Variants in B3GALNT2 observed in about 807,000 individuals in gnomAD.
B3GALNT2 encodes the protein UDP-GalNAc:beta-1,3-N-acetylgalactosaminyltransferase 2.
B3GALNT2 carries 53 observed loss-of-function variants against 61.1 expected under a neutral mutation model. The ratio of observed to expected loss-of-function variants is 0.87; its 90% CI spans 0.70 to 1.09. B3GALNT2 has a LOEUF of 1.09. Ranked by LOEUF, B3GALNT2 falls within the 50% of genes least tolerant of loss-of-function variation. The probability of loss-of-function intolerance (pLI) is 0.00; values close to 1 mark genes in which losing one functional copy is unlikely to be tolerated. For synonymous variants in B3GALNT2, 223 were observed against 237.4 expected (o/e 0.94, Z 0.56); for missense variants, 544 against 623.0 (o/e 0.87, Z 1.35).
At chr1:235,441,216 T>A in the B3GALNT2 span, 142 of 153,902 alleles carry the variant, frequency 9.2e-4, 1 homozygote, top group Non-Finnish European at 1.6e-3. Context: ...TTTAGAGAAA[T>A]GTTGTCACTG....
rs568685593 is a variant in B3GALNT2 at position 235,464,138 on chromosome 1, G to A, written c.841+1498C>T. On this transcript the variant is annotated intron_variant, in intron 7 of 11. Transcript: ENST00000366600. ...CTAAAACTATAAAACTCTTGGAACT[G>A]TAAAACAAAGGCACAAATCTTTGTG... The A allele has an allele frequency of 5.3e-5, 8 of 152,276 alleles. No homozygotes were observed. In the East Asian group the frequency reaches 1.4e-3, roughly 26 times the overall value. The allele number at this position is 152,276 out of a possible 1,614,324, so 9.4% of individuals were successfully genotyped here. A position where few individuals can be genotyped will look rare whatever the true frequency, so the allele number is the denominator to read the frequency against.
At chr1:235,471,989 T>C (rs1684032219) in intron 5 of B3GALNT2, among the ~76,000 whole-genome samples, 1 of 151,906 alleles carries the variant, frequency 6.6e-6, no homozygotes, top group African/African-American at 2.4e-5. Context: ...AAAAAAAGAT[T>C]GGCTTAGTTG....
Position 235,455,543 on chromosome 1 carries a change from A to C in B3GALNT2, c.1151+16T>G. 1.2e-6 allele frequency: 2 copies of C among 1,610,892 alleles called. No individual in the cohort carries two copies. Among genetic ancestry groups the C allele is most frequent in the Non-Finnish European group, 8.5e-7 (1 of 1,177,084 alleles). On this transcript the variant is annotated intron_variant, in intron 9 of 11. Coordinates refer to ENST00000366600, the MANE Select transcript of B3GALNT2 (RefSeq NM_152490.5). ...CAGGTACACGAATGCCAATGGGCTA[A>C]GAATGGTTAACTTACTTTCCCCACC...
intron 6 of B3GALNT2, among the ~76,000 whole-genome samples, chr1:235,467,305 T>C (rs56853031): frequency 0.021 from 3,260 of 152,006 alleles, 132 homozygotes; most frequent in African/African-American, 0.074. Context: ...GCCAAGACTG[T>C]GCCACTGTAC....
At chr1:235,481,465 T>G (rs1329564205) in intron 4 of B3GALNT2, among the ~76,000 whole-genome samples, 1 of 152,140 alleles carries the variant, frequency 6.6e-6, no homozygotes, top group African/African-American at 2.4e-5. Flanking sequence ...CACCTCAACC[T>G]ACCAAGTAGC....
chr1:235,487,509 A>C (rs941588441), intron 3 of B3GALNT2, among the ~76,000 whole-genome samples: 16 of 152,228 alleles, frequency 1.1e-4, no homozygotes, highest in African/African-American at 3.9e-4. Flanking sequence ...AAACTGAGGC[A>C]GAGGAGGTCA....
Position 235,480,905 on chromosome 1 carries a change from C to CAAAAA in B3GALNT2, c.556-761_556-757dup, listed in dbSNP as rs55666590. ...TGGACCGCAGAGCCAGACTCTGTCT[C>CAAAAA]AAAAAAAAAAAAAAAAAAAAAAAAA... On this transcript the variant is annotated intron_variant, in intron 4 of 11. Transcript: ENST00000366600. Among the ~76,000 whole-genome samples the CAAAAA allele has an allele frequency of 3.0e-3, 92 of 31,172 alleles. 22 individuals carry two copies. Among genetic ancestry groups the CAAAAA allele is most frequent in the Middle Eastern group, 0.029 (1 of 34 alleles). 20.5% of individuals were successfully genotyped at this position (31,172 alleles called of 152,430 possible).
At chr1:235,500,415 G>A (rs1457156676) in intron 1 of B3GALNT2, among the ~76,000 whole-genome samples, 2 of 152,190 alleles carry the variant, frequency 1.3e-5, no homozygotes, top group Non-Finnish European at 2.9e-5. Context: ...CGGAGGCAGA[G>A]GTTGCAGTTA....
At chr1:235,455,267 C>A (rs1361741263) in intron 9 of B3GALNT2, among the ~76,000 whole-genome samples, 1 of 152,018 alleles carries the variant, frequency 6.6e-6, no homozygotes, top group African/African-American at 2.4e-5. Context: ...GGGCTACAGG[C>A]TCACATCACC....
chr1:235,448,615 T>A lies in B3GALNT2; in HGVS notation c.*1591A>T. On this transcript the variant is annotated 3_prime_UTR_variant, in exon 12 of 12. Transcript: ENST00000366600. ...GGGTGGGGGAAGAGTATGTGTAGCA[T>A]GCTTTATCGGATCTGTCTTAATCAC... 3 of 1,492,982 alleles carry A rather than the reference T, an allele frequency of 2.0e-6. No homozygotes were observed. The highest frequency in any genetic ancestry group is 2.8e-6 in the Non-Finnish European group (3 of 1,070,322). The allele number at this position is 1,492,982 out of a possible 1,614,324, so 92.5% of individuals were successfully genotyped here.
intron 1 of B3GALNT2, among the ~76,000 whole-genome samples, chr1:235,501,759 A>G (rs291346): frequency 0.45 from 68,330 of 151,766 alleles, 16,007 homozygotes; most frequent in Non-Finnish European, 0.5. Context: ...AGCAGAAGAG[A>G]AAAAAAAATA....
chr1:235,489,430 A>T lies in B3GALNT2; in HGVS notation c.261-162T>A, dbSNP rs148429583. Among the ~76,000 whole-genome samples the T allele has an allele frequency of 3.5e-3, 538 of 152,058 alleles. 3 individuals are homozygous for T. The highest frequency in any genetic ancestry group is 0.013 in the African/African-American group (525 of 41,432). ...TCAGACAAAATGGGGGAACAAGTAAACTGAAAGTTGCTAACTACCAAGTTA... is the reference window on the plus strand; with the variant it reads ...TCAGACAAAATGGGGGAACAAGTAATCTGAAAGTTGCTAACTACCAAGTTA... On this transcript the variant is annotated intron_variant, in intron 2 of 11. Coordinates refer to ENST00000366600, the MANE Select transcript of B3GALNT2 (RefSeq NM_152490.5).
At chr1:235,439,852 A>C in the B3GALNT2 span, among the ~76,000 whole-genome samples, 1 of 151,802 alleles carries the variant, frequency 6.6e-6, no homozygotes, top group Admixed American at 6.6e-5. Context: ...CCCAGGCTGG[A>C]GTGCAGTGGC....
intron 1 of B3GALNT2, among the ~76,000 whole-genome samples, chr1:235,503,850 C>G (rs1685697147): frequency 6.6e-6 from 1 of 152,192 alleles, no homozygotes; most frequent in Non-Finnish European, 1.5e-5. Flanking sequence ...CGTCGGACAT[C>G]ACTAACCAGG....
In B3GALNT2 at chr1:235,450,668, TTAG is replaced by T. The variant is rs561788261; in HGVS notation, c.1369-331_1369-329del. 78 of 262,416 alleles carry T rather than the reference TTAG, an allele frequency of 3.0e-4. 1 individual carries two copies. Among genetic ancestry groups the T allele is most frequent in the Admixed American group, 2.4e-3 (51 of 21,078 alleles). 16.3% of individuals were successfully genotyped at this position (262,416 alleles called of 1,614,324 possible). On this transcript the variant is annotated intron_variant, in intron 11 of 11. Coordinates refer to ENST00000366600, the MANE Select transcript of B3GALNT2 (RefSeq NM_152490.5). ...TAGTAAAGGTGTGTCTATGGCAGTA[TTAG>T]TAACAGCTATTATTCTGATGGAATG...
chr1:235,478,411 A>C (rs560776439), intron 5 of B3GALNT2, among the ~76,000 whole-genome samples: 18 of 152,346 alleles, frequency 1.2e-4, no homozygotes, highest in African/African-American at 4.3e-4. Flanking sequence ...TTAAAAAGGA[A>C]AAAAGTTCAT....
downstream of B3GALNT2, among the ~76,000 whole-genome samples, chr1:235,445,158 A>G (rs1682159781): frequency 6.6e-6 from 1 of 152,258 alleles, no homozygotes; most frequent in African/African-American, 2.4e-5. Context: ...CCTATATTCT[A>G]TAAATTCAGC....
chr1:235,470,026 T>G (rs1044703820), intron 6 of B3GALNT2, among the ~76,000 whole-genome samples: 2 of 151,844 alleles, frequency 1.3e-5, no homozygotes, highest in South Asian at 4.2e-4. Flanking sequence ...GCCACCTGAG[T>G]AGCTGGGATT....
chr1:235,483,826 A>G (rs1462360487), intron 4 of B3GALNT2, among the ~76,000 whole-genome samples: 1 of 152,246 alleles, frequency 6.6e-6, no homozygotes, highest in East Asian at 1.9e-4. Context: ...GCACTCTGTG[A>G]ACAAATCAGA....
Sources: gnomAD v4.1 joint callset for allele counts (sites outside exome capture counted in the v4.1 genomes callset) on GRCh38, gnomAD v4.1.1 for gene constraint, MANE v1.5 for transcripts, NCBI Gene and HGNC (gene_info 2026-07-23, HGNC 2026-07-21) for gene names.